Variants in COL15A1 observed in about 807,000 individuals in gnomAD.
COL15A1 encodes the protein collagen alpha-1(XV) chain.
COL15A1 carries 111 observed loss-of-function variants against 165.9 expected under a neutral mutation model. The observed-to-expected ratio is 0.67, with a 90% CI of 0.57 to 0.78. The LOEUF (loss-of-function observed/expected upper bound fraction) is 0.78. Among genes scored for constraint, COL15A1 ranks in the 30% least tolerant of loss-of-function variants. COL15A1 has a pLI of 0.00. For synonymous variants in COL15A1, 659 were observed against 674.8 expected, an observed-to-expected ratio of 0.98 and a Z score of 0.36; for missense variants, 1,745 against 1,789.7, an observed-to-expected ratio of 0.98 and a Z score of 0.45.
In COL15A1 at chr9:98,989,270, G is replaced by C. The variant is rs199793035; in HGVS notation, c.804+12G>C. On this transcript the variant is annotated intron_variant, in intron 5 of 41. Transcript: ENST00000375001. ...ACACTCAAGCCTCGGTGAGTACTGG[G>C]ATGCTGTGCCATGTGATCTTGCTCA... The C allele has an allele frequency of 1.2e-6, 2 of 1,603,838 alleles. No individual in the cohort carries two copies. The highest frequency in any genetic ancestry group is 2.2e-5 in the East Asian group (1 of 44,676).
chr9:99,004,303 A>T (rs1264297380), intron 8 of COL15A1, among the ~76,000 whole-genome samples: 2 of 152,044 alleles, frequency 1.3e-5, no homozygotes, highest in Non-Finnish European at 2.9e-5. Flanking sequence ...AGTTTGGGTG[A>T]GTGGTGGTGC....
chr9:98,973,994 G>A (rs1391067756), intron 2 of COL15A1, among the ~76,000 whole-genome samples: 1 of 152,202 alleles, frequency 6.6e-6, no homozygotes, highest in African/African-American at 2.4e-5. Flanking sequence ...TGCCAAGTTG[G>A]TGGCAGAGTC....
intron 2 of COL15A1, among the ~76,000 whole-genome samples, chr9:98,963,718 G>A (rs1286898491): frequency 6.6e-6 from 1 of 151,888 alleles, no homozygotes; most frequent in Non-Finnish European, 1.5e-5. Context: ...TGGTGGTGGT[G>A]GGTGATGGGT....
chr9:99,037,812 C>G (rs1403936118), intron 21 of COL15A1, among the ~76,000 whole-genome samples: 6 of 152,126 alleles, frequency 3.9e-5, no homozygotes, highest in Admixed American at 3.3e-4. Flanking sequence ...GCACGGAGGA[C>G]AGAACTTCCA....
At chr9:98,998,958 C>T (rs1838597275) in intron 6 of COL15A1, among the ~76,000 whole-genome samples, 1 of 152,230 alleles carries the variant, frequency 6.6e-6, no homozygotes, top group Non-Finnish European at 1.5e-5. Flanking sequence ...CTGACACCAT[C>T]GTGACCCGTG....
chr9:99,006,289 C>G (rs1838760820), intron 9 of COL15A1, among the ~76,000 whole-genome samples: 1 of 152,240 alleles, frequency 6.6e-6, no homozygotes. Flanking sequence ...AATGTAAGCT[C>G]TGCTAGAACA....
In COL15A1 at chr9:98,947,826, T is replaced by C. The variant is rs145541410; in HGVS notation, c.100+3576T>C. Among the ~76,000 whole-genome samples, 33 of 152,292 alleles carry C rather than the reference T, an allele frequency of 2.2e-4. 1 individual carries two copies. In the East Asian group the frequency reaches 6.0e-3, roughly 28 times the overall value. On this transcript the variant is annotated intron_variant, in intron 2 of 41. Transcript: ENST00000375001. ...ATGCATATGGGTTTTTTGCAGGTAG[T>C]TGATCTGTTAAAAAGTGGGTCTTTG...
intron 13 of COL15A1, 118 bp downstream of exon 13, chr9:99,022,268 T>A: frequency 7.9e-7 from 1 of 1,266,230 alleles, no homozygotes; most frequent in Non-Finnish European, 1.1e-6. Flanking sequence ...AGTCAGACCC[T>A]AGGGCTTTCT....
chr9:99,047,389 T>A (rs556401513), intron 26 of COL15A1, among the ~76,000 whole-genome samples: 98 of 152,200 alleles, frequency 6.4e-4, no homozygotes, highest in African/African-American at 2.1e-3. Flanking sequence ...TTATTCAGAA[T>A]GGGGGATGCG....
At chr9:99,038,104 G>A (rs536424091) in intron 21 of COL15A1, among the ~76,000 whole-genome samples, 4 of 151,542 alleles carry the variant, frequency 2.6e-5, no homozygotes, top group African/African-American at 4.9e-5. Context: ...GATGACTAAA[G>A]TTAGAAGAAA....
chr9:99,047,466 C>A (rs79266667), intron 26 of COL15A1, among the ~76,000 whole-genome samples: 2,377 of 152,290 alleles, frequency 0.016, 97 homozygotes, highest in East Asian at 0.13. Context: ...ACCTGGCTAC[C>A]AGGGAGCTGA....
intron 23 of COL15A1, 76 bp from the exon 24 acceptor site, chr9:99,041,969 A>G (rs1839412608): frequency 2.0e-6 from 2 of 1,000,992 alleles, no homozygotes; most frequent in Non-Finnish European, 3.1e-6. Flanking sequence ...TACTGTTGAG[A>G]AAAAATATAT....
In COL15A1 at chr9:99,069,758, A is replaced by G. The variant is rs1482437321; in HGVS notation, c.4039A>G (p.Thr1347Ala). ...CTGTGAAGCATGGCGAACCGCGGACACAGCGGTCACGGGACTTGCCTCCCC... is the reference window on the plus strand; with the variant it reads ...CTGTGAAGCATGGCGAACCGCGGACGCAGCGGTCACGGGACTTGCCTCCCC... Reference protein sequence around the residue: ...NYCEAWRTADTAVTGLASPLS... With the variant: ...NYCEAWRTADAAVTGLASPLS... Residue 1347 changes from threonine to alanine, a missense_variant, in exon 42 of 42, where the codon ACA becomes GCA. Transcript: ENST00000375001. The G allele has an allele frequency of 6.2e-7, 1 of 1,614,246 alleles. No homozygotes were observed. The highest frequency in any genetic ancestry group is 8.5e-7 in the Non-Finnish European group (1 of 1,180,042).
At position 99,025,986 on chromosome 9, in the gene COL15A1, G is replaced by T. The variant is rs1839118021; in HGVS notation, c.2043+20G>T. ...GAGAAGGTACGGGGAACACGGGAGG[G>T]TCCCACCACATGGGAGCCACCAGGC... On this transcript the variant is annotated intron_variant, in intron 16 of 41. Coordinates refer to ENST00000375001, the MANE Select transcript of COL15A1 (RefSeq NM_001855.5). 2.5e-6 allele frequency: 4 copies of T among 1,600,338 alleles called. No individual in the cohort carries two copies. The highest frequency in any genetic ancestry group is 1.7e-4 in the Middle Eastern group (1 of 6,014).
intron 39 of COL15A1, among the ~76,000 whole-genome samples, 191 bp downstream of exon 39, chr9:99,063,300 A>G (rs929442851): frequency 3.3e-5 from 5 of 152,146 alleles, no homozygotes; most frequent in African/African-American, 4.8e-5. Flanking sequence ...TGCTGGGGGT[A>G]TAAGGGAGGG....
At chr9:99,043,105 A>G (rs529927308) in intron 24 of COL15A1, among the ~76,000 whole-genome samples, 1 of 152,066 alleles carries the variant, frequency 6.6e-6, no homozygotes, top group East Asian at 1.9e-4. Flanking sequence ...GGAGTCAAGG[A>G]GGGTGGGTGT....
intron 26 of COL15A1, 65 bp downstream of exon 26, chr9:99,044,835 T>G: frequency 1.4e-6 from 2 of 1,448,206 alleles, no homozygotes; most frequent in Non-Finnish European, 1.9e-6. Flanking sequence ...TACTTTGATT[T>G]GGTTAGATTT....
rs1295784682 is a variant in COL15A1, at chr9:99,069,835, G to T, written c.4116G>T (p.Arg1372=). The T allele has an allele frequency of 1.2e-6, 2 of 1,614,150 alleles. No individual in the cohort carries two copies. The highest frequency in any genetic ancestry group is 1.7e-6 in the Non-Finnish European group (2 of 1,179,970). The change falls in exon 42 of 42, where the codon CGG becomes CGT. Residue 1372 remains arginine (R), a synonymous_variant. Transcript: ENST00000375001. ...AGAAAGCATACAGCTGTGCTAATCG[G>T]CTAATTGTCCTATGTATCGAAAACA... The part of the protein sequence containing the change: ...LDQKAYSCAN[R]LIVLCIENSF...
chr9:99,035,120 C>T lies in COL15A1; in HGVS notation c.2186C>T (p.Pro729Leu). 1 of 1,603,224 alleles carries T rather than the reference C, an allele frequency of 6.2e-7. No individual in the cohort carries two copies. The highest frequency in any genetic ancestry group is 1.7e-5 in the Admixed American group (1 of 57,240). Residue 729 changes from proline (P) to leucine (L), a missense_variant, in exon 18 of 42, where the codon CCA (proline) becomes CTA (leucine). Pro to Leu is a moderately conservative substitution (Grantham distance 98, BLOSUM62 -3). Coordinates refer to ENST00000375001, the MANE Select transcript of COL15A1 (RefSeq NM_001855.5). ...GGGCCTCCTGGACCCCCTGGGCCCC[C>T]AGGCCCTGGATGCACAATGGGACTT... ...PPGPPGPPGP[P>L]GPGCTMGLGF... is the part of the protein sequence containing the mutation.
Sources: allele counts gnomAD v4.1 joint callset (sites outside exome capture counted in the v4.1 genomes callset), GRCh38; gene constraint gnomAD v4.1.1; transcripts MANE v1.5; gene names NCBI Gene and HGNC (gene_info 2026-07-23, HGNC 2026-07-21).